CAP2: variants seen among roughly 807,000 people sequenced by gnomAD.
The protein encoded by CAP2 is adenylyl cyclase-associated protein 2.
A neutral mutation model predicts 57.7 loss-of-function variants in CAP2; 24 were observed. That is an observed-to-expected ratio of 0.42 (90% CI 0.30 to 0.58). The LOEUF is 0.58. Among genes scored for constraint, CAP2 ranks in the 20% least tolerant of loss-of-function variants. CAP2 has a pLI of 0.22. For synonymous variants in CAP2, 194 were observed against 207.2 expected (o/e 0.94, Z 0.55); for missense variants, 501 against 590.3 (o/e 0.85, Z 1.57).
chr6:17,419,075 G>T lies in CAP2; in HGVS notation c.-1-2480G>T, dbSNP rs1044577965. 2.0e-5 allele frequency among the ~76,000 whole-genome samples: 3 copies of T among 152,184 alleles called. No homozygotes were observed. The South Asian group carries it at 6.2e-4, about 32-fold the overall frequency. Reference sequence around the variant, plus strand: ...CTTTCCAAAATAGACAGTAAACTCCGCCCTCCATAGCTGATGACCATCTGA... The same window carrying T: ...CTTTCCAAAATAGACAGTAAACTCCTCCCTCCATAGCTGATGACCATCTGA... On this transcript the variant is annotated intron_variant, in intron 1 of 12. Transcript: ENST00000229922.
intron 4 of CAP2, among the ~76,000 whole-genome samples, chr6:17,464,966 A>G (rs918799871): frequency 6.6e-6 from 1 of 152,228 alleles, no homozygotes; most frequent in Admixed American, 6.5e-5. Flanking sequence ...CCTAAGCCTC[A>G]GAACAAGAGG....
intron 7 of CAP2, among the ~76,000 whole-genome samples, chr6:17,515,282 A>T (rs968717600): frequency 6.6e-6 from 1 of 152,212 alleles, no homozygotes; most frequent in Non-Finnish European, 1.5e-5. Flanking sequence ...CAGCCATAAA[A>T]TAGAACAAAA....
In CAP2 at chr6:17,401,564, C is replaced by T. The variant is rs2113501268; in HGVS notation, c.-2+7818C>T. On this transcript the variant is annotated intron_variant, in intron 1 of 12. Coordinates refer to ENST00000229922, the MANE Select transcript of CAP2 (RefSeq NM_006366.3). ...GTGGCAGGAAAACCAAATGTCTGGC[C>T]TAATGAGTTAGGTTGATTGATGGAC... is the stretch of plus-strand genomic sequence containing the variant. Among the ~76,000 whole-genome samples, 5 of 152,264 alleles carry T rather than the reference C, an allele frequency of 3.3e-5. 1 individual carries two copies. The East Asian group carries it at 9.7e-4, about 29-fold the overall frequency.
At chr6:17,461,805 A>C (rs1300105889) in intron 3 of CAP2, among the ~76,000 whole-genome samples, 3 of 150,516 alleles carry the variant, frequency 2.0e-5, no homozygotes, top group African/African-American at 7.3e-5. Flanking sequence ...ATCCTGGCGA[A>C]CACTGTGAAA....
At chr6:17,450,040 A>G (rs1760362220) in intron 3 of CAP2, among the ~76,000 whole-genome samples, 1 of 151,366 alleles carries the variant, frequency 6.6e-6, no homozygotes, top group African/African-American at 2.4e-5. Flanking sequence ...AAAGAAAACC[A>G]TTTATCAGTT....
intron 1 of CAP2, among the ~76,000 whole-genome samples, chr6:17,406,719 G>A (rs1758989321): frequency 6.6e-6 from 1 of 152,014 alleles, no homozygotes; most frequent in Non-Finnish European, 1.5e-5. Flanking sequence ...AAAGTTTCAG[G>A]TGCCTGTGCT....
intron 3 of CAP2, among the ~76,000 whole-genome samples, chr6:17,456,079 A>ATATATT (rs1760561733): frequency 1.3e-5 from 2 of 152,368 alleles, no homozygotes; most frequent in African/African-American, 4.8e-5. Context: ...CATTTAGGCC[A>ATATATT]GTGGTTTTGA....
At chr6:17,400,696 T>C (rs1039195485) in intron 1 of CAP2, among the ~76,000 whole-genome samples, 1 of 151,714 alleles carries the variant, frequency 6.6e-6, no homozygotes. Flanking sequence ...ACCCCGTCTG[T>C]ACTAAAAATA....
chr6:17,466,761 T>C (rs1004953512), intron 4 of CAP2, among the ~76,000 whole-genome samples: 1 of 152,204 alleles, frequency 6.6e-6, no homozygotes, highest in African/African-American at 2.4e-5. Flanking sequence ...CCCTTGGTAG[T>C]CAAATCTCGA....
At chr6:17,454,997 G>A (rs546801110) in intron 3 of CAP2, among the ~76,000 whole-genome samples, 3 of 152,256 alleles carry the variant, frequency 2.0e-5, no homozygotes, top group Admixed American at 2.0e-4. Flanking sequence ...TGTTACAGTA[G>A]GTTGTTAGTC....
rs533454310 is a variant in CAP2 at position 17,474,374 on chromosome 6, A to G, written c.300+11301A>G. ...TGGTTCATCCACTGCTTTGAGAACT[A>G]GTGTTTCCATATCTGGAATCGTTTG... On this transcript the variant is annotated intron_variant, in intron 4 of 12. Coordinates refer to ENST00000229922, the MANE Select transcript of CAP2 (RefSeq NM_006366.3). 5.9e-5 allele frequency among the ~76,000 whole-genome samples: 9 copies of G among 151,922 alleles called. No individual in the cohort carries two copies. The East Asian group carries it at 1.4e-3, about 23-fold the overall frequency.
At position 17,444,804 on chromosome 6, in the gene CAP2, C is replaced by CCACACACACACA. The variant is rs142931025; in HGVS notation, c.222+18143_223-18152dup. ...TCTGTAGATTTTTGTTTCTCTCTCT[C>CCACACACACACA]CACACACACACACACACACACACAC... On this transcript the variant is annotated intron_variant, in intron 3 of 12. Coordinates refer to ENST00000229922, the MANE Select transcript of CAP2 (RefSeq NM_006366.3). 5.4e-3 allele frequency among the ~76,000 whole-genome samples: 763 copies of CCACACACACACA among 140,510 alleles called. 2 individuals carry two copies. The highest frequency in any genetic ancestry group is 0.019 in the East Asian group (87 of 4,600). 92.2% of individuals were successfully genotyped at this position (140,510 alleles called of 152,430 possible).
rs551423235 is a variant in CAP2, at chr6:17,518,389, T to C, written c.636+4435T>C. Among the ~76,000 whole-genome samples the C allele has an allele frequency of 1.3e-4, 20 of 152,198 alleles. No homozygotes were observed. The East Asian group carries it at 3.7e-3, about 28-fold the overall frequency. On this transcript the variant is annotated intron_variant, in intron 7 of 12. Coordinates refer to ENST00000229922, the MANE Select transcript of CAP2 (RefSeq NM_006366.3). ...GTGGCCTGTCGACATTCCAGCAAAA[T>C]GGAGGATAAACAGTTATAGCCAGAG...
chr6:17,554,768 C>G (rs1265150991), intron 12 of CAP2, among the ~76,000 whole-genome samples: 1 of 152,222 alleles, frequency 6.6e-6, no homozygotes, highest in Non-Finnish European at 1.5e-5. Flanking sequence ...GCCTCCTTGC[C>G]TTAGAGAGGT....
intron 4 of CAP2, among the ~76,000 whole-genome samples, chr6:17,480,974 T>A (rs1232012188): frequency 6.8e-6 from 1 of 147,872 alleles, no homozygotes; most frequent in Non-Finnish European, 1.5e-5. Flanking sequence ...TTTTTTTTTT[T>A]TTTTAGTAGA....
intron 1 of CAP2, among the ~76,000 whole-genome samples, chr6:17,400,077 T>A (rs947207070): frequency 1.1e-4 from 16 of 143,534 alleles, no homozygotes; most frequent in African/African-American, 3.6e-4. Context: ...AAAAAAAAAA[T>A]TAGCTGGGCA....
At chr6:17,525,598 G>T (rs549608402) in intron 7 of CAP2, among the ~76,000 whole-genome samples, 1 of 152,216 alleles carries the variant, frequency 6.6e-6, no homozygotes, top group South Asian at 2.1e-4. Flanking sequence ...TTTCTTTTGT[G>T]TTGCTTAGCA....
At chr6:17,430,179 A>G (rs1759690266) in intron 3 of CAP2, among the ~76,000 whole-genome samples, 1 of 152,210 alleles carries the variant, frequency 6.6e-6, no homozygotes, top group Admixed American at 6.5e-5. Context: ...TCAATAGCCT[A>G]TTGACAGAAC....
At chr6:17,549,750 G>A (rs896404893) in intron 11 of CAP2, among the ~76,000 whole-genome samples, 1 of 152,150 alleles carries the variant, frequency 6.6e-6, no homozygotes, top group Non-Finnish European at 1.5e-5. Flanking sequence ...ATATACTAAA[G>A]TCTGATGCTA....
Sources: gnomAD v4.1 joint callset for allele counts (sites outside exome capture counted in the v4.1 genomes callset) on GRCh38, gnomAD v4.1.1 for gene constraint, MANE v1.5 for transcripts, NCBI Gene and HGNC (gene_info 2026-07-23, HGNC 2026-07-21) for gene names.